MYT1: variants seen among roughly 807,000 people sequenced by gnomAD.
The protein encoded by MYT1 is myelin transcription factor 1.
MYT1 carries 23 observed loss-of-function variants against 123.0 expected under a neutral mutation model. That is an observed-to-expected ratio of 0.19 (90% CI 0.13 to 0.26). MYT1 has a LOEUF of 0.26. Among genes scored for constraint, MYT1 ranks in the 10% least tolerant of loss-of-function variants. The pLI is 1.00. For missense variants in MYT1, 1,125 were observed against 1,472.5 expected (o/e 0.76, Z 3.86); for synonymous variants, 518 against 575.3 (o/e 0.90, Z 1.43).
chr20:64,225,319 A>G (rs1303462102), intron 16 of MYT1, among the ~76,000 whole-genome samples: 1 of 152,222 alleles, frequency 6.6e-6, no homozygotes, highest in African/African-American at 2.4e-5. Context: ...CTTGGGACAA[A>G]CGAGGTTCCT....
chr20:64,223,304 C>T lies in MYT1; in HGVS notation c.2473C>T (p.Pro825Ser). Residue 825 changes from proline (P) to serine (S), a missense_variant, in exon 16 of 23, where the codon CCT becomes TCT. Around this residue, in one of 4 missense-constraint regions of MYT1, gnomAD observed 47 missense variants for 113.1 expected, o/e 0.42. Coordinates refer to ENST00000328439, the MANE Select transcript of MYT1 (RefSeq NM_004535.3). ...CTTCTCTTTCAGCCTCTCTGGTTGC[C>T]CTCTTGCTGACAAGAGCCTCAGAAA... ...YASHRSLSGC[P>S]LADKSLRNLM... 6.2e-7 allele frequency: 1 copy of T among 1,614,166 alleles called. No homozygotes were observed. Among genetic ancestry groups the T allele is most frequent in the South Asian group, 1.1e-5 (1 of 91,076 alleles).
In MYT1 at chr20:64,199,752, C is replaced by T. The variant is rs114569811; in HGVS notation, c.56-140C>T. 874 of 947,738 alleles carry T rather than the reference C, an allele frequency of 9.2e-4. 6 individuals are homozygous for T. The African/African-American group carries it at 0.011, about 12-fold the overall frequency. The allele number at this position is 947,738 out of a possible 1,614,324, so 58.7% of individuals were successfully genotyped here. On this transcript the variant is annotated intron_variant, in intron 3 of 22. Coordinates refer to ENST00000328439, the MANE Select transcript of MYT1 (RefSeq NM_004535.3). ...GGAAAGGGTGAGCGCCCTGGGGAAA[C>T]GGCTCAGGTCTCACTGAGATTTGCC... is the stretch of plus-strand genomic sequence containing the variant.
intron 19 of MYT1, among the ~76,000 whole-genome samples, chr20:64,235,361 T>C (rs1178983923): frequency 1.7e-3 from 123 of 70,406 alleles, no homozygotes; most frequent in African/African-American, 7.7e-3. Context: ...GGATGGCCGT[T>C]GTGGGTGACA....
rs145290710 is a variant in MYT1, at chr20:64,178,338, C to T, written c.-98-11725C>T. Among the ~76,000 whole-genome samples, 18 of 152,366 alleles carry T rather than the reference C, an allele frequency of 1.2e-4. 1 individual carries two copies. In the South Asian group the frequency reaches 1.5e-3, roughly 12 times the overall value. On this transcript the variant is annotated intron_variant, in intron 1 of 22. Coordinates refer to ENST00000328439, the MANE Select transcript of MYT1 (RefSeq NM_004535.3). ...TCCCACTGCTCCACCCTCACCTTCT[C>T]GGCCATCTGGTCCTCAGACCCATTC...
Position 64,186,289 on chromosome 20 carries a change from C to T in MYT1, c.-98-3774C>T, listed in dbSNP as rs967740648. On this transcript the variant is annotated intron_variant, in intron 1 of 22. Coordinates refer to ENST00000328439, the MANE Select transcript of MYT1 (RefSeq NM_004535.3). This position sits in a 1 kb window ranked among gnomAD's most constrained non-coding sequence, Gnocchi z 4.3. ...CCCAGCCAGCGCCGCCCTCTGGGTG[C>T]CGGGAGCTGATCCCGAGAGGCTTGT... is the stretch of plus-strand genomic sequence containing the variant. 1.9e-4 allele frequency among the ~76,000 whole-genome samples: 29 copies of T among 152,158 alleles called. No individual in the cohort carries two copies. The highest frequency in any genetic ancestry group is 7.0e-4 in the African/African-American group (29 of 41,440).
chr20:64,194,415 A>T (rs140301293), intron 2 of MYT1, among the ~76,000 whole-genome samples: 24 of 152,068 alleles, frequency 1.6e-4, no homozygotes, highest in Middle Eastern at 6.8e-3. Flanking sequence ...TCCCCTGAGC[A>T]CTCCCTGCCT....
At position 64,232,068 on chromosome 20, in the gene MYT1, T is replaced by G; in HGVS notation, c.2676-96T>G. ...TCACTCAGAAGCCCTTTAACGGCTC[T>G]GAGTTGGGCTCCCCTTGTGTCTGGC... On this transcript the variant is annotated intron_variant, in intron 18 of 22. Transcript: ENST00000328439. This position sits in a 1 kb window ranked among gnomAD's most constrained non-coding sequence, Gnocchi z 6.9. 2.3e-6 allele frequency: 3 copies of G among 1,282,496 alleles called. No individual in the cohort carries two copies. Among genetic ancestry groups the G allele is most frequent in the Non-Finnish European group, 3.3e-6 (3 of 906,362 alleles). 79.4% of individuals were successfully genotyped at this position (1,282,496 alleles called of 1,614,324 possible). A position where few individuals can be genotyped will look rare whatever the true frequency, so the allele number is the denominator to read the frequency against.
Position 64,196,597 on chromosome 20 carries a change from T to C in MYT1, c.1-2265T>C, listed in dbSNP as rs937492898. On this transcript the variant is annotated intron_variant, in intron 2 of 22. Transcript: ENST00000328439. This position sits in a 1 kb window ranked among gnomAD's most constrained non-coding sequence, Gnocchi z 4.3. Reference sequence around the variant, plus strand: ...GTTTATTTTTTCTTCGGTAGTTCAGTTTTTTTCCCTTTAAAAATCAAAGCT... The same window carrying C: ...GTTTATTTTTTCTTCGGTAGTTCAGCTTTTTTCCCTTTAAAAATCAAAGCT... 2.0e-5 allele frequency among the ~76,000 whole-genome samples: 3 copies of C among 152,046 alleles called. No individual in the cohort carries two copies. The highest frequency in any genetic ancestry group is 1.3e-4 in the Admixed American group (2 of 15,276).
chr20:64,181,710 G>C (rs143757257), intron 1 of MYT1, among the ~76,000 whole-genome samples: 2 of 152,222 alleles, frequency 1.3e-5, no homozygotes, highest in East Asian at 3.8e-4. Context: ...ATCCAGTGCA[G>C]GTTCCTCCCA....
At position 64,172,853 on chromosome 20, in the gene MYT1, TCTC is replaced by T. The variant is rs372940702; in HGVS notation, c.-99+8117_-99+8119del. Among the ~76,000 whole-genome samples, 78 of 146,950 alleles carry T rather than the reference TCTC, an allele frequency of 5.3e-4. 1 individual carries two copies. The East Asian group carries it at 6.4e-3, about 12-fold the overall frequency. On this transcript the variant is annotated intron_variant, in intron 1 of 22. Transcript: ENST00000328439. Reference sequence around the variant, plus strand: ...ACCTCCGCCTACTGGGTTCAGCAATTCTCCTGCCTCGGCCTCCTGCATGTGCCA... The same window carrying T: ...ACCTCCGCCTACTGGGTTCAGCAATTCTGCCTCGGCCTCCTGCATGTGCCA...
chr20:64,219,631 CTG>C (rs1201095911), intron 12 of MYT1, 80 bp from the exon 13 acceptor site: 23 of 1,254,316 alleles, frequency 1.8e-5, no homozygotes, highest in Non-Finnish European at 2.1e-5. Flanking sequence ...GTTCTGGACT[CTG>C]TACGTTTGAT....
intron 16 of MYT1, 25 bp from the exon 17 acceptor site, chr20:64,227,390 G>A (rs1394078392): frequency 4.3e-6 from 7 of 1,611,120 alleles, no homozygotes; most frequent in East Asian, 2.2e-5. Flanking sequence ...ACGGGCTCCC[G>A]TTCCAGTTCT....
At position 64,205,804 on chromosome 20, in the gene MYT1, C is replaced by T. The variant is rs1568709808; in HGVS notation, c.397+4C>T. The T allele has an allele frequency of 6.2e-6, 10 of 1,612,332 alleles. No individual in the cohort carries two copies. Among genetic ancestry groups the T allele is most frequent in the Non-Finnish European group, 8.5e-6 (10 of 1,178,968 alleles). ...CATCGCCCCGAGACAGCTGAAGGTG[C>T]TTTGTCGCTCTTTCTTCCCCGAATA... On this transcript the variant is annotated splice_donor_region_variant and intron_variant, in intron 6 of 22. Coordinates refer to ENST00000328439, the MANE Select transcript of MYT1 (RefSeq NM_004535.3).
rs753606599 is a variant in MYT1 at position 64,227,943 on chromosome 20, G to A, written c.2647G>A (p.Asp883Asn). The change falls in exon 18 of 23, where the codon GAC becomes AAC. Residue 883 changes from aspartate to asparagine, a missense_variant. Asp to Asn is a conservative substitution (Grantham distance 23). Around this residue, in one of 4 missense-constraint regions of MYT1, gnomAD observed 243 missense variants for 323.1 expected, o/e 0.75. Coordinates refer to ENST00000328439, the MANE Select transcript of MYT1 (RefSeq NM_004535.3). ...TGGAGTCAAGGTGGCACCCACCAAG[G>A]ACGACAAGGAGGACCCCGAGCTGAT... Reference protein sequence around the residue: ...KSGVKVAPTKDDKEDPELMKC... With the variant: ...KSGVKVAPTKNDKEDPELMKC... 7.4e-6 allele frequency: 12 copies of A among 1,614,098 alleles called. No homozygotes were observed. The highest frequency in any genetic ancestry group is 1.0e-5 in the Non-Finnish European group (12 of 1,180,004).
rs1983658989 is a variant in MYT1 at position 64,211,343 on chromosome 20, G to A, written c.1426+3G>A. ...CAAGGATAGGATCCCCCCAGAGAGT[G>A]AGTAGCTCTGTGCAGCGTTAGCCCT... On this transcript the variant is annotated splice_donor_region_variant and intron_variant, in intron 8 of 22. Coordinates refer to ENST00000328439, the MANE Select transcript of MYT1 (RefSeq NM_004535.3). 5.0e-6 allele frequency: 8 copies of A among 1,610,966 alleles called. No homozygotes were observed. Among genetic ancestry groups the A allele is most frequent in the Non-Finnish European group, 6.8e-6 (8 of 1,177,870 alleles).
intron 7 of MYT1, among the ~76,000 whole-genome samples, chr20:64,210,950 G>A (rs1983647935): frequency 6.6e-6 from 1 of 152,240 alleles, no homozygotes; most frequent in African/African-American, 2.4e-5. Context: ...CGTCTGGGTT[G>A]TTCTCCTTAA....
rs1403617994 is a variant in MYT1, at chr20:64,212,440, C to T, written c.1517+302C>T. ...CAGGGCACACCTGGGCGGTGAGGGG[C>T]CTTTGTGAGGGCAGAGTGGCAACTG... On this transcript the variant is annotated intron_variant, in intron 9 of 22. Coordinates refer to ENST00000328439, the MANE Select transcript of MYT1 (RefSeq NM_004535.3). The surrounding 1 kb of genome is among the most constrained non-coding windows in gnomAD (Gnocchi z 6.8). Among the ~76,000 whole-genome samples the T allele has an allele frequency of 6.6e-6, 1 of 152,144 alleles. No individual in the cohort carries two copies. Among genetic ancestry groups the T allele is most frequent in the Admixed American group, 6.5e-5 (1 of 15,278 alleles).
At chr20:64,224,564 A>G (rs955133415) in intron 16 of MYT1, among the ~76,000 whole-genome samples, 1 of 152,192 alleles carries the variant, frequency 6.6e-6, no homozygotes, top group African/African-American at 2.4e-5. Context: ...TAGCTTCAAC[A>G]TAAGCATTTT....
At chr20:64,219,224 G>A (rs1983925255) in intron 12 of MYT1, among the ~76,000 whole-genome samples, 189 bp downstream of exon 12, 1 of 152,240 alleles carries the variant, frequency 6.6e-6, no homozygotes, top group African/African-American at 2.4e-5. Context: ...GGTCCACCAG[G>A]AGAACCTGGT....
Sources: allele counts gnomAD v4.1 joint callset (sites outside exome capture counted in the v4.1 genomes callset), GRCh38; gene constraint gnomAD v4.1.1; regional missense constraint gnomAD v4.1.1; non-coding constraint Gnocchi (gnomAD v3.1); transcripts MANE v1.5; gene names NCBI Gene and HGNC (gene_info 2026-07-23, HGNC 2026-07-21).